Variants in ZNF804B observed in about 807,000 individuals in gnomAD.
ZNF804B encodes the protein zinc finger protein 804B.
In ZNF804B, 80 loss-of-function variants were observed where a neutral mutation model predicts 101.4. The observed-to-expected ratio is 0.79, with a 90% CI of 0.66 to 0.95. ZNF804B has a LOEUF of 0.95. Ranked by LOEUF, ZNF804B falls within the 40% of genes least tolerant of loss-of-function variation. The pLI is 0.00. For missense variants in ZNF804B, 1,673 were observed against 1,561.9 expected (o/e 1.07, Z -1.20); for synonymous variants, 622 against 558.8 (o/e 1.11, Z -1.59).
intron 1 of ZNF804B, among the ~76,000 whole-genome samples, chr7:88,997,779 C>T (rs987694175): frequency 4.6e-5 from 7 of 152,086 alleles, no homozygotes; most frequent in Non-Finnish European, 8.8e-5. Flanking sequence ...TCTGCTAAGG[C>T]ACCTTCCTCT....
intron 1 of ZNF804B, among the ~76,000 whole-genome samples, chr7:88,806,033 A>G (rs889852623): frequency 2.6e-5 from 4 of 151,290 alleles, no homozygotes; most frequent in African/African-American, 7.3e-5. Context: ...TGATCTAACT[A>G]TGAGGACCTT....
intron 1 of ZNF804B, among the ~76,000 whole-genome samples, chr7:89,183,278 T>G (rs920640427): frequency 6.6e-6 from 1 of 152,008 alleles, no homozygotes; most frequent in African/African-American, 2.4e-5. Context: ...GACCAAAAAG[T>G]GTACCGAAGC....
intron 1 of ZNF804B, among the ~76,000 whole-genome samples, chr7:89,008,810 C>T (rs1380380707): frequency 6.6e-6 from 1 of 152,162 alleles, no homozygotes; most frequent in African/African-American, 2.4e-5. Context: ...TAGACCCTTA[C>T]ACTCTATCTG....
At chr7:89,280,166 C>T (rs923763244) in intron 2 of ZNF804B, among the ~76,000 whole-genome samples, 5 of 152,092 alleles carry the variant, frequency 3.3e-5, no homozygotes, top group Admixed American at 3.3e-4. Context: ...CTACTGGGTA[C>T]ATAACGAAAT....
chr7:88,956,598 A>C (rs1793313415), intron 1 of ZNF804B, among the ~76,000 whole-genome samples: 1 of 151,404 alleles, frequency 6.6e-6, no homozygotes, highest in Non-Finnish European at 1.5e-5. Flanking sequence ...TAAACTTTTA[A>C]TTTTCTAAGC....
chr7:89,031,181 A>T (rs1360615636), intron 1 of ZNF804B, among the ~76,000 whole-genome samples: 2 of 137,842 alleles, frequency 1.5e-5, no homozygotes, highest in Non-Finnish European at 3.2e-5. Context: ...ATAAAAATAT[A>T]TATGTGTATA....
Position 88,813,492 on chromosome 7 carries a change from T to A in ZNF804B, c.108+53408T>A, listed in dbSNP as rs115489787. ...GTGCGGTTTGCTAAATATTTTTAAG[T>A]GTTATTATATTTTCTTATGTAGACT... On this transcript the variant is annotated intron_variant, in intron 1 of 3. Coordinates refer to ENST00000333190, the MANE Select transcript of ZNF804B (RefSeq NM_181646.5). 6.1e-3 allele frequency among the ~76,000 whole-genome samples: 920 copies of A among 151,778 alleles called. 12 individuals are homozygous for A. The highest frequency in any genetic ancestry group is 0.02 in the African/African-American group (828 of 41,420).
At chr7:88,992,971 T>A (rs762088016) in intron 1 of ZNF804B, among the ~76,000 whole-genome samples, 1 of 151,976 alleles carries the variant, frequency 6.6e-6, no homozygotes, top group African/African-American at 2.4e-5. Flanking sequence ...AAATAAGAAT[T>A]TTTTATTTGT....
intron 2 of ZNF804B, among the ~76,000 whole-genome samples, chr7:89,238,467 G>A (rs1373628047): frequency 6.8e-6 from 1 of 147,214 alleles, no homozygotes; most frequent in South Asian, 2.1e-4. Flanking sequence ...GGCTGAAACA[G>A]ACAATATTAC....
chr7:88,907,829 A>G (rs539367305), intron 1 of ZNF804B, among the ~76,000 whole-genome samples: 32 of 152,180 alleles, frequency 2.1e-4, no homozygotes, highest in African/African-American at 6.5e-4. Flanking sequence ...CACCTACTAA[A>G]TAAATCCATG....
chr7:89,077,536 TGAAAG>T (rs1789633278), intron 1 of ZNF804B, among the ~76,000 whole-genome samples: 1 of 152,118 alleles, frequency 6.6e-6, no homozygotes, highest in Non-Finnish European at 1.5e-5. Flanking sequence ...CTGAAATAAT[TGAAAG>T]GAAGAGGAAG....
At chr7:89,044,416 T>C (rs1012259939) in intron 1 of ZNF804B, among the ~76,000 whole-genome samples, 1 of 152,040 alleles carries the variant, frequency 6.6e-6, no homozygotes, top group Non-Finnish European at 1.5e-5. Context: ...TCACAGAAAG[T>C]GGGGTGCTGC....
At chr7:89,006,011 C>T (rs115929674) in intron 1 of ZNF804B, among the ~76,000 whole-genome samples, 2,878 of 152,090 alleles carry the variant, frequency 0.019, 95 homozygotes, top group African/African-American at 0.066. Flanking sequence ...CCAGTTAATT[C>T]TTTTCAATCA....
At chr7:89,130,845 G>A (rs371230400) in intron 1 of ZNF804B, among the ~76,000 whole-genome samples, 19 of 151,922 alleles carry the variant, frequency 1.3e-4, no homozygotes, top group Non-Finnish European at 1.2e-4. Context: ...CCTACAAAGC[G>A]TCTAGGGGGT....
chr7:88,812,652 G>A (rs998113138), intron 1 of ZNF804B, among the ~76,000 whole-genome samples: 1 of 152,184 alleles, frequency 6.6e-6, no homozygotes, highest in African/African-American at 2.4e-5. Context: ...AAAATGTGGT[G>A]TGTGTATGTA....
chr7:88,896,268 A>T (rs905983567), intron 1 of ZNF804B, among the ~76,000 whole-genome samples: 2 of 152,238 alleles, frequency 1.3e-5, no homozygotes, highest in African/African-American at 4.8e-5. Flanking sequence ...AGCTGTTTCA[A>T]ATATATCATA....
chr7:89,035,138 A>G (rs534411593), intron 1 of ZNF804B, among the ~76,000 whole-genome samples: 11 of 152,160 alleles, frequency 7.2e-5, no homozygotes, highest in African/African-American at 1.4e-4. Context: ...TAAATTTTCA[A>G]TAAGTGTTCT....
At chr7:88,786,298 C>G (rs978032879) in intron 1 of ZNF804B, among the ~76,000 whole-genome samples, 3 of 151,998 alleles carry the variant, frequency 2.0e-5, no homozygotes, top group African/African-American at 7.2e-5. Flanking sequence ...ATAGAGAGCC[C>G]TTTATGTGTT....
At chr7:88,876,658 C>A (rs1460144095) in intron 1 of ZNF804B, among the ~76,000 whole-genome samples, 3 of 151,924 alleles carry the variant, frequency 2.0e-5, no homozygotes, top group Non-Finnish European at 2.9e-5. Context: ...ATATTGTTTG[C>A]TGTTAAGTTC....
Sources: allele counts gnomAD v4.1 joint callset (sites outside exome capture counted in the v4.1 genomes callset), GRCh38; gene constraint gnomAD v4.1.1; transcripts MANE v1.5; gene names NCBI Gene and HGNC (gene_info 2026-07-23, HGNC 2026-07-21).